TBC1D5: variants seen among roughly 807,000 people sequenced by gnomAD.
TBC1D5 encodes the protein TBC1 domain family, member 5.
Under a neutral mutation model 100.3 loss-of-function variants are expected in TBC1D5, and 75 were observed. The observed-to-expected ratio is 0.75, with a 90% CI of 0.62 to 0.91. The LOEUF is 0.91. Among genes scored for constraint, TBC1D5 ranks in the 40% least tolerant of loss-of-function variants. The pLI, the probability that TBC1D5 is intolerant of heterozygous loss-of-function variation, is 0.00. For missense variants in TBC1D5, 910 were observed against 942.4 expected (o/e 0.97, Z 0.45); for synonymous variants, 323 against 325.6 (o/e 0.99, Z 0.09).
At position 17,395,424 on chromosome 3, in the gene TBC1D5, A is replaced by T. The variant is rs189428595; in HGVS notation, c.509+7757T>A. The stretch of plus-strand genomic sequence containing the variant: ...TTTTTCAATAATTAAGAAAAAAATT[A>T]AAAAAATAAATACAAAGCATTACCC... On this transcript the variant is annotated intron_variant, in intron 8 of 21. Coordinates refer to ENST00000253692, the Ensembl canonical transcript of TBC1D5. Among the ~76,000 whole-genome samples, 388 of 152,238 alleles carry T rather than the reference A, an allele frequency of 2.5e-3. 5 individuals carry two copies. Among genetic ancestry groups the T allele is most frequent in the East Asian group, 1.2e-3 (6 of 5,174 alleles).
Position 17,688,945 on chromosome 3 carries a change from T to C in TBC1D5, c.-101+50398A>G, listed in dbSNP as rs548907344. On this transcript the variant is annotated intron_variant, in intron 1 of 21. Transcript: ENST00000253692. ...CTTATATTTTTAAAACTATCTTGAA[T>C]TGTCCCGAATTTTCCAGAGTTACTA... 1.4e-4 allele frequency among the ~76,000 whole-genome samples: 21 copies of C among 152,316 alleles called. No homozygotes were observed. The South Asian group carries it at 4.1e-3, about 30-fold the overall frequency.
chr3:17,648,101 C>T (rs2065177126), intron 1 of TBC1D5, among the ~76,000 whole-genome samples: 1 of 152,006 alleles, frequency 6.6e-6, no homozygotes, highest in African/African-American at 2.4e-5. Context: ...CAACAGTAAC[C>T]AAAACAGCAT....
chr3:17,462,033 C>A (rs1039294763), intron 3 of TBC1D5, among the ~76,000 whole-genome samples: 6 of 151,030 alleles, frequency 4.0e-5, no homozygotes, highest in Admixed American at 3.3e-4. Flanking sequence ...TACTTTGTTT[C>A]AAAAAAAATA....
At chr3:17,328,040 T>A (rs182658731) in intron 13 of TBC1D5, among the ~76,000 whole-genome samples, 47 of 152,186 alleles carry the variant, frequency 3.1e-4, no homozygotes, top group African/African-American at 1.1e-3. Flanking sequence ...GAGGCCAAGA[T>A]GGGGGGATAG....
chr3:17,339,614 T>C (rs534169682), intron 13 of TBC1D5, among the ~76,000 whole-genome samples: 14 of 152,232 alleles, frequency 9.2e-5, no homozygotes, highest in Non-Finnish European at 1.8e-4. Context: ...GAGAAACTAA[T>C]TTTCGTATAC....
chr3:17,566,844 G>A (rs1284749655), intron 2 of TBC1D5, among the ~76,000 whole-genome samples: 3 of 151,706 alleles, frequency 2.0e-5, no homozygotes, highest in Non-Finnish European at 4.4e-5. Flanking sequence ...TTTTGAATAT[G>A]GAAATTCTGT....
At chr3:17,366,735 T>C (rs1248597905) in intron 13 of TBC1D5, among the ~76,000 whole-genome samples, 2 of 152,152 alleles carry the variant, frequency 1.3e-5, no homozygotes, top group Non-Finnish European at 2.9e-5. Flanking sequence ...TTTACCAATA[T>C]GTTTATACTT....
At chr3:17,324,621 A>T (rs929504754) in intron 13 of TBC1D5, among the ~76,000 whole-genome samples, 1 of 152,162 alleles carries the variant, frequency 6.6e-6, no homozygotes, top group Admixed American at 6.5e-5. Flanking sequence ...TCTATCCTCG[A>T]CAACAGAGTG....
At chr3:17,668,690 A>AT (rs1413436861) in intron 1 of TBC1D5, among the ~76,000 whole-genome samples, 1 of 152,046 alleles carries the variant, frequency 6.6e-6, no homozygotes, top group Non-Finnish European at 1.5e-5. Context: ...AACTGCCAAG[A>AT]TTTTTTAAAC....
chr3:17,695,939 G>C (rs923500006), intron 1 of TBC1D5, among the ~76,000 whole-genome samples: 8 of 152,198 alleles, frequency 5.3e-5, no homozygotes, highest in Admixed American at 3.9e-4. Context: ...TCAGGATTAA[G>C]AGAGTCATCA....
chr3:17,474,332 G>A (rs1315462290), intron 3 of TBC1D5, among the ~76,000 whole-genome samples: 1 of 152,120 alleles, frequency 6.6e-6, no homozygotes, highest in Non-Finnish European at 1.5e-5. Flanking sequence ...CATAAGCTGA[G>A]TTTATGTTTG....
At chr3:17,450,317 T>C (rs2094896616) in intron 3 of TBC1D5, among the ~76,000 whole-genome samples, 1 of 152,096 alleles carries the variant, frequency 6.6e-6, no homozygotes, top group Non-Finnish European at 1.5e-5. Flanking sequence ...AAGACCAGAA[T>C]ACCTCTTCTC....
At chr3:17,259,289 C>A (rs938282389) in intron 15 of TBC1D5, among the ~76,000 whole-genome samples, 32 of 152,126 alleles carry the variant, frequency 2.1e-4, no homozygotes, top group African/African-American at 6.8e-4. Flanking sequence ...GCAGAAATGT[C>A]CTTGAATCAT....
At chr3:17,549,052 C>T (rs2096447609) in intron 2 of TBC1D5, among the ~76,000 whole-genome samples, 1 of 152,166 alleles carries the variant, frequency 6.6e-6, no homozygotes. Context: ...AATCCCAGCA[C>T]TTTGGGAGGC....
chr3:17,335,570 A>C (rs1305971630), intron 13 of TBC1D5, among the ~76,000 whole-genome samples: 1 of 152,156 alleles, frequency 6.6e-6, no homozygotes, highest in Non-Finnish European at 1.5e-5. Flanking sequence ...TATCCACAAA[A>C]AGTATCATTA....
chr3:17,212,511 A>T (rs149522839), intron 18 of TBC1D5, among the ~76,000 whole-genome samples: 1,558 of 152,098 alleles, frequency 0.01, 29 homozygotes, highest in African/African-American at 0.033. Context: ...TATATATAAA[A>T]AAAGAGTTAA....
At chr3:17,263,155 G>A (rs2078490860) in intron 15 of TBC1D5, among the ~76,000 whole-genome samples, 1 of 151,822 alleles carries the variant, frequency 6.6e-6, no homozygotes. Flanking sequence ...AGTGAACTAT[G>A]ATCATGCCAC....
chr3:17,619,257 G>C (rs2062449092), intron 2 of TBC1D5, among the ~76,000 whole-genome samples: 1 of 152,130 alleles, frequency 6.6e-6, no homozygotes, highest in Non-Finnish European at 1.5e-5. Flanking sequence ...TACGGAGTTA[G>C]ACAAGTTGAT....
At chr3:17,451,936 T>C (rs1331954791) in intron 3 of TBC1D5, among the ~76,000 whole-genome samples, 2 of 151,378 alleles carry the variant, frequency 1.3e-5, no homozygotes, top group Non-Finnish European at 2.9e-5. Context: ...AGAAAAAAAA[T>C]TACAAGAAGG....
Sources: gnomAD v4.1 joint callset for allele counts (sites outside exome capture counted in the v4.1 genomes callset) on GRCh38, gnomAD v4.1.1 for gene constraint, MANE v1.5 for transcripts, NCBI Gene and HGNC (gene_info 2026-07-23, HGNC 2026-07-21) for gene names.